The following BMAL1 variants were observed in gnomAD, a reference collection of about 807,000 sequenced individuals.
BMAL1 encodes the protein basic helix-loop-helix ARNT like 1, also known as basic helix-loop-helix ARNT-like protein 1.
chr11:13,304,265 C>A, the BMAL1 span, among the ~76,000 whole-genome samples: 1 of 151,984 alleles, frequency 6.6e-6, no homozygotes, highest in Non-Finnish European at 1.5e-5. Flanking sequence ...AAGGGCTGGC[C>A]CTGAGCCGGG....
the BMAL1 span, among the ~76,000 whole-genome samples, chr11:13,279,293 G>A: frequency 6.6e-6 from 1 of 152,132 alleles, no homozygotes; most frequent in African/African-American, 2.4e-5. Flanking sequence ...TTCCAGCATC[G>A]TCGTTTTATT....
At chr11:13,349,176 C>A in the BMAL1 span, among the ~76,000 whole-genome samples, 1 of 152,238 alleles carries the variant, frequency 6.6e-6, no homozygotes, top group Non-Finnish European at 1.5e-5. Flanking sequence ...TTCTTAACTT[C>A]GTGTGTGCCC....
the BMAL1 span, among the ~76,000 whole-genome samples, chr11:13,314,991 A>G: frequency 1.3e-5 from 2 of 152,178 alleles, no homozygotes; most frequent in Admixed American, 6.5e-5. Flanking sequence ...TCAGTGCCTT[A>G]AGCTTGTTGC....
the BMAL1 span, among the ~76,000 whole-genome samples, chr11:13,329,258 C>T: frequency 5.9e-5 from 9 of 152,176 alleles, no homozygotes; most frequent in Non-Finnish European, 1.2e-4. Context: ...GCTTTGTGAC[C>T]CCCCCGGTCC....
the BMAL1 span, among the ~76,000 whole-genome samples, chr11:13,278,900 G>T: frequency 1.3e-5 from 2 of 152,216 alleles, no homozygotes; most frequent in African/African-American, 4.8e-5. Flanking sequence ...AGGTAGAGGT[G>T]AACGTCGACC....
chr11:13,321,702 T>C, the BMAL1 span, among the ~76,000 whole-genome samples: 2 of 152,126 alleles, frequency 1.3e-5, no homozygotes, highest in Non-Finnish European at 2.9e-5. Context: ...CACACATCAG[T>C]CATAATTGAC....
chr11:13,347,133 C>T, the BMAL1 span, among the ~76,000 whole-genome samples: 1 of 152,100 alleles, frequency 6.6e-6, no homozygotes, highest in Non-Finnish European at 1.5e-5. Context: ...TGGCTCATGC[C>T]CATAATCCCA....
At chr11:13,328,384 G>A in the BMAL1 span, among the ~76,000 whole-genome samples, 1 of 152,142 alleles carries the variant, frequency 6.6e-6, no homozygotes, top group Non-Finnish European at 1.5e-5. Flanking sequence ...GGGTTTGGGA[G>A]AAGGCAGATT....
the BMAL1 span, chr11:13,381,335 C>T: frequency 2.2e-6 from 3 of 1,343,770 alleles, no homozygotes; most frequent in Admixed American, 3.4e-5. Context: ...TATGGAATTG[C>T]AACTGCGATT....
At chr11:13,282,419 C>T in the BMAL1 span, among the ~76,000 whole-genome samples, 57 of 152,150 alleles carry the variant, frequency 3.7e-4, no homozygotes, top group African/African-American at 1.2e-3. Flanking sequence ...AGTCTTGCTG[C>T]TCTTCGTTGC....
the BMAL1 span, among the ~76,000 whole-genome samples, chr11:13,366,466 T>C: frequency 2.6e-5 from 4 of 152,214 alleles, no homozygotes; most frequent in Non-Finnish European, 5.9e-5. Context: ...CCCGTCATGT[T>C]ATCAAAACCA....
chr11:13,366,662 C>T, the BMAL1 span: 20 of 1,610,834 alleles, frequency 1.2e-5, no homozygotes, highest in Non-Finnish European at 1.6e-5. Context: ...TTCATCTCCC[C>T]AGAATGATCT....
chr11:13,346,537 C>T, the BMAL1 span, among the ~76,000 whole-genome samples: 5 of 152,318 alleles, frequency 3.3e-5, no homozygotes, highest in Admixed American at 2.6e-4. Context: ...TTGATGCCCT[C>T]ACCTTTCTCA....
At chr11:13,281,208 C>G in the BMAL1 span, among the ~76,000 whole-genome samples, 5 of 152,138 alleles carry the variant, frequency 3.3e-5, no homozygotes, top group Admixed American at 1.3e-4. Context: ...CCCTGAAAAC[C>G]TTAGGCTTGA....
the BMAL1 span, chr11:13,380,889 A>C: frequency 5.7e-6 from 2 of 348,122 alleles, no homozygotes; most frequent in African/African-American, 2.1e-5. Context: ...TGTAGAACAA[A>C]TCCAGCTTGT....
At chr11:13,318,033 TG>T in the BMAL1 span, among the ~76,000 whole-genome samples, 1 of 152,244 alleles carries the variant, frequency 6.6e-6, no homozygotes, top group Non-Finnish European at 1.5e-5. Flanking sequence ...CTAGTGGGCC[TG>T]GGCCCGTCTT....
At chr11:13,317,152 T>C in the BMAL1 span, among the ~76,000 whole-genome samples, 4 of 152,252 alleles carry the variant, frequency 2.6e-5, no homozygotes, top group Non-Finnish European at 5.9e-5. Flanking sequence ...AAAGTATTAT[T>C]GTTAATAATA....
chr11:13,338,188 GT>G, the BMAL1 span, among the ~76,000 whole-genome samples: 7 of 151,002 alleles, frequency 4.6e-5, no homozygotes, highest in Non-Finnish European at 7.4e-5. Context: ...AAGTTTGTGG[GT>G]TTTTTTTTTA....
chr11:13,344,201 C>T, the BMAL1 span, among the ~76,000 whole-genome samples: 1 of 152,186 alleles, frequency 6.6e-6, no homozygotes, highest in Non-Finnish European at 1.5e-5. Flanking sequence ...CTCCTCAGCA[C>T]CCCTCCACAC....
Sources: gnomAD v4.1 joint callset for allele counts (sites outside exome capture counted in the v4.1 genomes callset) on GRCh38, gnomAD v4.1.1 for gene constraint, MANE v1.5 for transcripts, NCBI Gene and HGNC (gene_info 2026-07-23, HGNC 2026-07-21) for gene names.